Variants in TCF7L2 observed in about 807,000 individuals in gnomAD.
TCF7L2 encodes transcription factor 7-like 2.
Under a neutral mutation model 77.9 loss-of-function variants are expected in TCF7L2, and 23 were observed. That is an observed-to-expected ratio of 0.30 (90% CI 0.21 to 0.42). The LOEUF is 0.42. Ranked by LOEUF, TCF7L2 falls within the 10% of genes least tolerant of loss-of-function variation. TCF7L2 has a pLI of 1.00. For synonymous variants in TCF7L2, 413 were observed against 340.2 expected, an observed-to-expected ratio of 1.21 and a Z score of -2.36; for missense variants, 654 against 793.1, an observed-to-expected ratio of 0.82 and a Z score of 2.11.
intron 5 of TCF7L2, among the ~76,000 whole-genome samples, chr10:113,110,239 A>G (rs2062945078): frequency 6.6e-6 from 1 of 152,176 alleles, no homozygotes; most frequent in Non-Finnish European, 1.5e-5. Context: ...TAGTTGTTAT[A>G]CTAGGTTCTA....
intron 4 of TCF7L2, among the ~76,000 whole-genome samples, chr10:112,989,011 A>G (rs973922594): frequency 1.3e-4 from 20 of 152,140 alleles, no homozygotes; most frequent in Admixed American, 1.3e-3. Context: ...GCCTTGTCTG[A>G]GGCTCGGGTC....
At chr10:113,094,814 A>G (rs1295407498) in intron 5 of TCF7L2, among the ~76,000 whole-genome samples, 1 of 152,150 alleles carries the variant, frequency 6.6e-6, no homozygotes, top group Non-Finnish European at 1.5e-5. Context: ...ATGAACTCAG[A>G]CTGTTTCCAA....
Position 113,070,148 on chromosome 10 carries a change from C to T in TCF7L2, c.552+30022C>T, listed in dbSNP as rs182312897. 8.5e-3 allele frequency among the ~76,000 whole-genome samples: 1,288 copies of T among 151,612 alleles called. 10 individuals carry two copies. Among genetic ancestry groups the T allele is most frequent in the Non-Finnish European group, 0.012 (822 of 67,898 alleles). ...GCAAGTGCCTGTAATCCCAGCTACTCGGGAGGCTGAGGCAGGAGAATCCCT... is the reference window on the plus strand; with the variant it reads ...GCAAGTGCCTGTAATCCCAGCTACTTGGGAGGCTGAGGCAGGAGAATCCCT... On this transcript the variant is annotated intron_variant, in intron 5 of 13. Transcript: ENST00000627217.
intron 5 of TCF7L2, among the ~76,000 whole-genome samples, chr10:113,072,125 C>T (rs1035160339): frequency 8.5e-5 from 13 of 152,106 alleles, no homozygotes; most frequent in African/African-American, 2.4e-4. Context: ...GGCACGATCT[C>T]GGCTCACTGC....
At chr10:113,003,602 A>G (rs988837981) in intron 4 of TCF7L2, among the ~76,000 whole-genome samples, 5 of 152,216 alleles carry the variant, frequency 3.3e-5, no homozygotes, top group African/African-American at 1.2e-4. Context: ...GGAGGTGAAG[A>G]GGGAACTCAT....
In TCF7L2 at chr10:112,959,355, G is replaced by C. The variant is rs370695975; in HGVS notation, c.382-5201G>C. On this transcript the variant is annotated intron_variant, in intron 3 of 13. Coordinates refer to ENST00000627217, the MANE Select transcript of TCF7L2 (RefSeq NM_001146274.2). ...TCCCCAAATGTGAGTAGGTGGATACGTATAGAAGCTGTAAAAGTTAATGAT... is the reference window on the plus strand; with the variant it reads ...TCCCCAAATGTGAGTAGGTGGATACCTATAGAAGCTGTAAAAGTTAATGAT... Among the ~76,000 whole-genome samples the C allele has an allele frequency of 4.5e-4, 69 of 152,252 alleles. No homozygotes were observed. The South Asian group carries it at 0.014, about 31-fold the overall frequency.
At chr10:112,960,436 T>C (rs1421391740) in intron 3 of TCF7L2, among the ~76,000 whole-genome samples, 1 of 152,128 alleles carries the variant, frequency 6.6e-6, no homozygotes, top group Non-Finnish European at 1.5e-5. Context: ...TTGTGGGTAG[T>C]AGAATGGGGG....
intron 5 of TCF7L2, among the ~76,000 whole-genome samples, chr10:113,120,149 G>A (rs1459875647): frequency 6.6e-6 from 1 of 152,196 alleles, no homozygotes; most frequent in African/African-American, 2.4e-5. Flanking sequence ...CATGCCAAGT[G>A]GGGTTTGGTT....
intron 4 of TCF7L2, among the ~76,000 whole-genome samples, chr10:112,972,878 AC>A (rs1261020572): frequency 3.9e-5 from 6 of 152,236 alleles, no homozygotes; most frequent in African/African-American, 1.4e-4. Context: ...GGAAACAGAT[AC>A]CTGAGATATT....
At position 113,155,230 on chromosome 10, in the gene TCF7L2, C is replaced by T. The variant is rs566889904; in HGVS notation, c.1269+2790C>T. On this transcript the variant is annotated intron_variant, in intron 11 of 13. Transcript: ENST00000627217. ...ACCTTCTTTAGAGCCCAAGAGAAAA[C>T]ATCTTGAGTCCCATAGTAATATGTA... Among the ~76,000 whole-genome samples the T allele has an allele frequency of 4.6e-5, 7 of 152,224 alleles. No individual in the cohort carries two copies. In the South Asian group the frequency reaches 1.5e-3, roughly 32 times the overall value.
At chr10:113,127,503 T>G (rs185139062) in intron 5 of TCF7L2, among the ~76,000 whole-genome samples, 147 of 152,324 alleles carry the variant, frequency 9.7e-4, no homozygotes, top group African/African-American at 3.2e-3. Context: ...TCATTCCTCC[T>G]GCACATGATT....
In TCF7L2 at chr10:112,995,651, A is replaced by G. The variant is rs370559834; in HGVS notation, c.450+31027A>G. ...TCTGTGACTCAAATTATCTTCTCCT[A>G]AGCCCACTACTGCCTGGTGTGTTGG... is the stretch of plus-strand genomic sequence containing the variant. On this transcript the variant is annotated intron_variant, in intron 4 of 13. Transcript: ENST00000627217. 8.5e-5 allele frequency among the ~76,000 whole-genome samples: 13 copies of G among 152,152 alleles called. No homozygotes were observed. The East Asian group carries it at 2.1e-3, about 25-fold the overall frequency.
At chr10:113,060,234 G>A (rs2056207749) in intron 5 of TCF7L2, among the ~76,000 whole-genome samples, 1 of 152,312 alleles carries the variant, frequency 6.6e-6, no homozygotes, top group African/African-American at 2.4e-5. Context: ...CTGAGAGAAG[G>A]AATTGCAGGC....
intron 3 of TCF7L2, among the ~76,000 whole-genome samples, chr10:112,958,070 A>G (rs1335669993): frequency 6.6e-6 from 1 of 152,218 alleles, no homozygotes; most frequent in Admixed American, 6.5e-5. Context: ...ATGAATCCCT[A>G]AACAGCTCAT....
rs1219584023 is a variant in TCF7L2, at chr10:113,166,783, T to C, written c.*811T>C. Reference sequence around the variant, plus strand: ...TTTGTACAAGGTTTTTAAGTTTATATATAAAATGTGTATATATATTTTTGT... The same window carrying C: ...TTTGTACAAGGTTTTTAAGTTTATACATAAAATGTGTATATATATTTTTGT... On this transcript the variant is annotated 3_prime_UTR_variant, in exon 14 of 14. Transcript: ENST00000627217. The C allele has an allele frequency of 2.2e-5, 5 of 228,470 alleles. No individual in the cohort carries two copies. The East Asian group carries it at 3.2e-4, about 14-fold the overall frequency. 14.2% of individuals were successfully genotyped at this position (228,470 alleles called of 1,614,324 possible).
intron 5 of TCF7L2, among the ~76,000 whole-genome samples, chr10:113,059,552 C>G (rs2056066341): frequency 6.6e-6 from 1 of 152,038 alleles, no homozygotes; most frequent in Non-Finnish European, 1.5e-5. Context: ...AAGCGGAGCC[C>G]TTTCAGCTCA....
At chr10:113,077,607 C>T (rs1262161461) in intron 5 of TCF7L2, among the ~76,000 whole-genome samples, 2 of 151,982 alleles carry the variant, frequency 1.3e-5, no homozygotes, top group Non-Finnish European at 2.9e-5. Context: ...ATTTGTGGTC[C>T]TTTGTGACTG....
At chr10:112,974,984 C>CTT (rs35180958) in intron 4 of TCF7L2, among the ~76,000 whole-genome samples, 3,589 of 147,248 alleles carry the variant, frequency 0.024, 60 homozygotes, top group Admixed American at 0.038. Flanking sequence ...TTTTCTTTTT[C>CTT]TTTTTTTTTT....
intron 5 of TCF7L2, among the ~76,000 whole-genome samples, chr10:113,080,119 G>C (rs972296554): frequency 2.6e-5 from 4 of 151,450 alleles, no homozygotes; most frequent in African/African-American, 9.7e-5. Flanking sequence ...CACAATTTAG[G>C]GTTTTCCCCC....
Sources: gnomAD v4.1 joint callset for allele counts (sites outside exome capture counted in the v4.1 genomes callset) on GRCh38, gnomAD v4.1.1 for gene constraint, MANE v1.5 for transcripts, NCBI Gene and HGNC (gene_info 2026-07-23, HGNC 2026-07-21) for gene names.